GSTO1: variants seen among roughly 807,000 people sequenced by gnomAD.
The protein encoded by GSTO1 is glutathione S-transferase omega 1.
Under a neutral mutation model 23.8 loss-of-function variants are expected in GSTO1, and 27 were observed. The ratio of observed to expected loss-of-function variants is 1.13; its 90% CI spans 0.83 to 1.56. GSTO1 has a LOEUF of 1.56. Ranked by LOEUF, GSTO1 falls within the 40% of genes most tolerant of loss-of-function variation. GSTO1 has a pLI of 0.00. For synonymous variants in GSTO1, 105 were observed against 109.3 expected, an observed-to-expected ratio of 0.96 and a Z score of 0.25; for missense variants, 255 against 285.8, an observed-to-expected ratio of 0.89 and a Z score of 0.78.
Position 104,259,578 on chromosome 10 carries a change from A to G in GSTO1, c.146A>G (p.His49Arg), listed in dbSNP as rs1380325561. The G allele has an allele frequency of 6.3e-7, 1 of 1,590,910 alleles. No homozygotes were observed. Among genetic ancestry groups the G allele is most frequent in the South Asian group, 1.1e-5 (1 of 90,600 alleles). ...RLVLKAKGIRHEVININLKNK... is the reference protein window; with the variant it reads ...RLVLKAKGIRREVININLKNK... ...ATAGTCTCCTATGTGTCTTTCAGGC[A>G]TGAAGTCATCAATATCAACCTGAAA... is the stretch of plus-strand genomic sequence containing the variant. The change falls in exon 3 of 6, where the codon CAT (histidine) becomes CGT (arginine). Residue 49 changes from histidine to arginine, a missense_variant and splice_region_variant. His to Arg is a conservative substitution (Grantham distance 29, BLOSUM62 0). Transcript: ENST00000369713.
intron 3 of GSTO1, among the ~76,000 whole-genome samples, chr10:104,262,241 ACT>A (rs1208491472): frequency 6.6e-6 from 1 of 152,052 alleles, no homozygotes; most frequent in Non-Finnish European, 1.5e-5. Flanking sequence ...GTTATCTCAG[ACT>A]CTACTTTCTG....
chr10:104,255,351 C>G, intron 2 of GSTO1, 80 bp downstream of exon 2: 1 of 829,082 alleles, frequency 1.2e-6, no homozygotes, highest in East Asian at 2.5e-5. Context: ...GGTCTCAGCC[C>G]CCTTCTACCC....
At chr10:104,258,373 C>A (rs913530729) in intron 2 of GSTO1, among the ~76,000 whole-genome samples, 2 of 152,108 alleles carry the variant, frequency 1.3e-5, no homozygotes, top group Non-Finnish European at 2.9e-5. Context: ...GACCAGGCAA[C>A]AAGACCAAAA....
rs150506133 is a variant in GSTO1, at chr10:104,259,751, C to A, written c.319C>A (p.Pro107Thr). 6.2e-7 allele frequency: 1 copy of A among 1,613,814 alleles called. No homozygotes were observed. The highest frequency in any genetic ancestry group is 1.3e-5 in the African/African-American group (1 of 75,018). The stretch of plus-strand genomic sequence containing the variant: ...AGGGAAGAAGCTGTTGCCGGATGAC[C>A]CCTATGAGAAAGCTTGCCAGAAGAT... The part of the protein sequence containing the change: ...YPGKKLLPDD[P>T]YEKACQKMIL... The change falls in exon 3 of 6, where the codon CCC (proline) becomes ACC (threonine). Residue 107 changes from proline (P) to threonine (T), a missense_variant. Coordinates refer to ENST00000369713, the MANE Select transcript of GSTO1 (RefSeq NM_004832.3).
chr10:104,267,261 CCA>C lies in GSTO1; in HGVS notation c.586_587del (p.Thr196SerfsTer22), dbSNP rs748168061. On this transcript the variant is annotated frameshift_variant, in exon 6 of 6. Coordinates refer to ENST00000369713, the MANE Select transcript of GSTO1 (RefSeq NM_004832.3). LOFTEE classifies it low-confidence loss of function (END_TRUNC). ...EAMKLNECVD[H>X]TPKLKLWMAA... ...TTTCCTCTTCCCACAGGTGTGTAGACCACACTCCAAAACTGAAACTGTGGATG... is the reference window on the plus strand; with the variant it reads ...TTTCCTCTTCCCACAGGTGTGTAGACCACTCCAAAACTGAAACTGTGGATG... 1 of 1,611,914 alleles carries C rather than the reference CCA, an allele frequency of 6.2e-7. No individual in the cohort carries two copies. The highest frequency in any genetic ancestry group is 1.1e-5 in the South Asian group (1 of 90,868).
intron 2 of GSTO1, among the ~76,000 whole-genome samples, 178 bp downstream of exon 2, chr10:104,255,449 T>C (rs2091598584): frequency 1.3e-5 from 2 of 151,930 alleles, no homozygotes; most frequent in Middle Eastern, 3.4e-3. Flanking sequence ...CTAGGAAAAA[T>C]AGGCCACAGA....
chr10:104,257,240 TG>T (rs1206991792), intron 2 of GSTO1, among the ~76,000 whole-genome samples: 1 of 152,194 alleles, frequency 6.6e-6, no homozygotes, highest in African/African-American at 2.4e-5. Context: ...GGACTTCACC[TG>T]TTTTCTTCCT....
intron 2 of GSTO1, among the ~76,000 whole-genome samples, chr10:104,257,193 A>C (rs1434638662): frequency 1.3e-5 from 2 of 152,152 alleles, no homozygotes; most frequent in Non-Finnish European, 2.9e-5. Context: ...CTCAGGCAAC[A>C]TACAAGATAG....
chr10:104,264,131 T>C (rs1051184297), intron 4 of GSTO1, among the ~76,000 whole-genome samples: 1 of 152,208 alleles, frequency 6.6e-6, no homozygotes, highest in African/African-American at 2.4e-5. Flanking sequence ...GTTGGGTAAC[T>C]AACCTGTTTT....
intron 5 of GSTO1, 69 bp downstream of exon 5, chr10:104,266,259 T>A: frequency 1.2e-6 from 1 of 833,060 alleles, no homozygotes. Flanking sequence ...GACCTTTCTT[T>A]ATAACAGAAG....
chr10:104,254,571 G>C (rs1180885262), upstream of GSTO1: 7 of 387,240 alleles, frequency 1.8e-5, no homozygotes, highest in Non-Finnish European at 3.3e-5. Context: ...GTGGTGCTTC[G>C]AGGTCAGTGT....
intron 4 of GSTO1, among the ~76,000 whole-genome samples, chr10:104,265,077 T>C (rs551773878): frequency 7.9e-5 from 12 of 152,340 alleles, no homozygotes; most frequent in African/African-American, 2.2e-4. Context: ...AGAATTTAAA[T>C]TGAACCATCA....
At chr10:104,261,747 T>C (rs1412746834) in intron 3 of GSTO1, among the ~76,000 whole-genome samples, 1 of 152,210 alleles carries the variant, frequency 6.6e-6, no homozygotes, top group Non-Finnish European at 1.5e-5. Flanking sequence ...GCTGAACTGA[T>C]GTGGATGGGA....
At chr10:104,265,567 T>G (rs926270138) in intron 4 of GSTO1, among the ~76,000 whole-genome samples, 1 of 152,248 alleles carries the variant, frequency 6.6e-6, no homozygotes, top group Non-Finnish European at 1.5e-5. Context: ...TTTACACCTC[T>G]ACGACAGTGG....
rs629771 is a variant in GSTO1 at position 104,254,967 on chromosome 10, G to A, written c.34+5G>A. The A allele has an allele frequency of 2.3e-3, 3,747 of 1,607,418 alleles. 64 individuals carry two copies. In the African/African-American group the frequency reaches 0.045, roughly 19 times the overall value. On this transcript the variant is annotated splice_donor_5th_base_variant and intron_variant, in intron 1 of 5. Coordinates refer to ENST00000369713, the MANE Select transcript of GSTO1 (RefSeq NM_004832.3). ...CAGCCAGGAGCTTGGGGAAGGGTGAGGCCTGCCCGCCGCGAAGAGGGGGTG... is the reference window on the plus strand; with the variant it reads ...CAGCCAGGAGCTTGGGGAAGGGTGAAGCCTGCCCGCCGCGAAGAGGGGGTG...
intron 4 of GSTO1, among the ~76,000 whole-genome samples, chr10:104,264,008 A>G (rs913109659): frequency 6.6e-6 from 1 of 152,120 alleles, no homozygotes; most frequent in Non-Finnish European, 1.5e-5. Context: ...AGAATTAGCT[A>G]ATGAATGATT....
chr10:104,254,544 G>T, upstream of GSTO1: 1 of 347,956 alleles, frequency 2.9e-6, no homozygotes, highest in Non-Finnish European at 5.4e-6. Flanking sequence ...AAGTCGTGAA[G>T]CCTTGGGACG....
In GSTO1 at chr10:104,254,946, C is replaced by CAGG; in HGVS notation, c.21_23dup (p.Arg7dup). ...GCGCCACGATGTCCGGGGAGTCAGCCAGGAGCTTGGGGAAGGGTGAGGCCT... is the reference window on the plus strand; with the variant it reads ...GCGCCACGATGTCCGGGGAGTCAGCCAGGAGGAGCTTGGGGAAGGGTGAGGCCT... On this transcript the variant is annotated inframe_insertion, in exon 1 of 6. Coordinates refer to ENST00000369713, the MANE Select transcript of GSTO1 (RefSeq NM_004832.3). The CAGG allele has an allele frequency of 6.2e-7, 1 of 1,610,800 alleles. No homozygotes were observed. Among genetic ancestry groups the CAGG allele is most frequent in the Non-Finnish European group, 8.5e-7 (1 of 1,179,050 alleles).
intron 2 of GSTO1, 84 bp from the exon 3 acceptor site, chr10:104,259,492 A>T: frequency 1.2e-6 from 1 of 813,284 alleles, no homozygotes; most frequent in East Asian, 2.6e-5. Context: ...CTGATCAGCT[A>T]AGTGGATGGC....
Sources: allele counts gnomAD v4.1 joint callset (sites outside exome capture counted in the v4.1 genomes callset), GRCh38; gene constraint gnomAD v4.1.1; transcripts MANE v1.5; gene names NCBI Gene and HGNC (gene_info 2026-07-23, HGNC 2026-07-21).